DTNA: variants seen among roughly 807,000 people sequenced by gnomAD.
The protein encoded by DTNA is dystrobrevin alpha, also known as dystrophin-related protein 3.
A neutral mutation model predicts 100.7 loss-of-function variants in DTNA; 43 were observed. The ratio of observed to expected loss-of-function variants is 0.43; its 90% CI spans 0.33 to 0.55. The LOEUF (loss-of-function observed/expected upper bound fraction) is 0.55, where lower values mean the gene tolerates loss of function less well. DTNA is among the 20% of genes least tolerant of loss of function. The probability of loss-of-function intolerance (pLI) is 0.04; values close to 1 mark genes in which losing one functional copy is unlikely to be tolerated. For synonymous variants in DTNA, 349 were observed against 347.9 expected (o/e 1.00, Z -0.04); for missense variants, 798 against 953.9 (o/e 0.84, Z 2.15).
In DTNA at chr18:34,876,796, TA is replaced by T. The variant is rs1013496896; in HGVS notation, c.1904-918del. 2.0e-4 allele frequency among the ~76,000 whole-genome samples: 31 copies of T among 152,306 alleles called. 1 individual carries two copies. The highest frequency in any genetic ancestry group is 1.7e-3 in the Admixed American group (26 of 15,306). On this transcript the variant is annotated intron_variant, in intron 18 of 22. Coordinates refer to ENST00000444659, the MANE Select transcript of DTNA (RefSeq NM_001386795.1). ...GCACTGAATATAACTCAAGAGTTTT[TA>T]AAAATGTAATTCACAAAATAACTTT...
At chr18:34,731,250 C>T (rs1052278607) in intron 1 of DTNA, among the ~76,000 whole-genome samples, 31 of 152,144 alleles carry the variant, frequency 2.0e-4, no homozygotes, top group Non-Finnish European at 3.8e-4. Flanking sequence ...GAGGCCGAGG[C>T]GGGTGGATCA....
intron 1 of DTNA, among the ~76,000 whole-genome samples, chr18:34,589,425 A>G (rs9304136): frequency 0.1 from 15,625 of 151,960 alleles, 1,167 homozygotes; most frequent in African/African-American, 0.21. Flanking sequence ...TGGCTAACAT[A>G]ATAAAACCCC....
At chr18:34,791,589 C>T (rs928429662) in intron 3 of DTNA, among the ~76,000 whole-genome samples, 4 of 152,126 alleles carry the variant, frequency 2.6e-5, no homozygotes, top group Non-Finnish European at 5.9e-5. Flanking sequence ...GGATAAATAA[C>T]ACCAAGAAAT....
chr18:34,865,821 G>A (rs1441255434), intron 17 of DTNA, among the ~76,000 whole-genome samples: 5 of 152,216 alleles, frequency 3.3e-5, no homozygotes, highest in Admixed American at 3.3e-4. Flanking sequence ...CACCAGCCAT[G>A]TTGGTATCAA....
intron 11 of DTNA, among the ~76,000 whole-genome samples, chr18:34,835,447 T>C (rs1041255437): frequency 1.3e-5 from 2 of 151,892 alleles, no homozygotes; most frequent in Non-Finnish European, 2.9e-5. Context: ...TGTATATATA[T>C]AGAATATGTC....
At chr18:34,572,712 G>C (rs1198000185) in intron 1 of DTNA, among the ~76,000 whole-genome samples, 1 of 152,014 alleles carries the variant, frequency 6.6e-6, no homozygotes, top group African/African-American at 2.4e-5. Flanking sequence ...TCTACTATTA[G>C]GTGCCTAGGA....
intron 14 of DTNA, 71 bp downstream of exon 14, chr18:34,848,454 T>C: frequency 6.8e-7 from 1 of 1,468,162 alleles, no homozygotes; most frequent in Non-Finnish European, 9.5e-7. Flanking sequence ...TCATGTTTAT[T>C]GTTATTATAG....
At chr18:34,732,849 T>C (rs550070970) in intron 1 of DTNA, among the ~76,000 whole-genome samples, 1 of 152,332 alleles carries the variant, frequency 6.6e-6, no homozygotes, top group South Asian at 2.1e-4. Flanking sequence ...GTTGGGGTTC[T>C]GACAGCTGCT....
chr18:34,710,671 T>G (rs1427150025), intron 1 of DTNA, among the ~76,000 whole-genome samples: 2 of 141,760 alleles, frequency 1.4e-5, no homozygotes, highest in Non-Finnish European at 3.0e-5. Context: ...TGTGTGTGTG[T>G]GGGAGTGTGT....
At chr18:34,607,656 C>G (rs181690543) in intron 1 of DTNA, among the ~76,000 whole-genome samples, 1 of 152,300 alleles carries the variant, frequency 6.6e-6, no homozygotes, top group East Asian at 1.9e-4. Flanking sequence ...GTTACTGTTA[C>G]CAGCACTTAT....
chr18:34,697,080 G>A (rs1332584232), intron 1 of DTNA, among the ~76,000 whole-genome samples: 1 of 152,162 alleles, frequency 6.6e-6, no homozygotes, highest in African/African-American at 2.4e-5. Flanking sequence ...CTAGCCCAAC[G>A]TATCAATAGT....
In DTNA at chr18:34,688,326, A is replaced by G. The variant is rs538308176; in HGVS notation, c.-1-67650A>G. 4.6e-5 allele frequency among the ~76,000 whole-genome samples: 7 copies of G among 152,240 alleles called. No homozygotes were observed. In the East Asian group the frequency reaches 1.4e-3, roughly 29 times the overall value. Reference sequence around the variant, plus strand: ...AGTGCTTCCTTCAGGAGCTCTTGTAAGGCAGGCCTGATGGTGACAAAATCC... The same window carrying G: ...AGTGCTTCCTTCAGGAGCTCTTGTAGGGCAGGCCTGATGGTGACAAAATCC... On this transcript the variant is annotated intron_variant, in intron 1 of 19. Coordinates refer to the DTNA transcript ENST00000283365.
At chr18:34,771,956 T>C (rs2093795983) in intron 3 of DTNA, among the ~76,000 whole-genome samples, 2 of 48,092 alleles carry the variant, frequency 4.2e-5, no homozygotes, top group Admixed American at 5.9e-4. Context: ...TGTCAGCAGA[T>C]CTTTTTTTTT....
chr18:34,874,495 C>T (rs1021892625), intron 17 of DTNA, among the ~76,000 whole-genome samples: 2 of 152,158 alleles, frequency 1.3e-5, no homozygotes, highest in African/African-American at 4.8e-5. Context: ...AAGATAAGTT[C>T]CTTCAGTTGT....
At chr18:34,709,586 C>T (rs559055459), upstream of DTNA, 1 of 152,296 alleles carries the variant, frequency 6.6e-6, no homozygotes, top group African/African-American at 2.4e-5. Context: ...GAGTTTGTAT[C>T]GTTTCAAATC....
rs556295196 is a variant in DTNA at position 34,875,988 on chromosome 18, T to A, written c.1903+590T>A. On this transcript the variant is annotated intron_variant, in intron 18 of 22. Transcript: ENST00000444659. ...AACTTTATTAATTTAGAAATATTTT[T>A]AACACTTTTTAAAACCTCTTCTTAC... 2.3e-4 allele frequency among the ~76,000 whole-genome samples: 35 copies of A among 152,340 alleles called. No individual in the cohort carries two copies. In the South Asian group the frequency reaches 6.4e-3, roughly 28 times the overall value.
chr18:34,739,148 C>T (rs17556941), intron 1 of DTNA, among the ~76,000 whole-genome samples: 7,769 of 152,188 alleles, frequency 0.051, 312 homozygotes, highest in Non-Finnish European at 0.08. Flanking sequence ...TAAAATATGC[C>T]TGGCTGATTC....
chr18:34,790,357 G>A (rs1013524040), intron 3 of DTNA, among the ~76,000 whole-genome samples: 6 of 117,048 alleles, frequency 5.1e-5, no homozygotes, highest in East Asian at 3.9e-4. Flanking sequence ...TATAAAACCC[G>A]GAGACAGGGT....
At chr18:34,659,352 TG>T (rs1389473128) in intron 1 of DTNA, among the ~76,000 whole-genome samples, 1 of 152,224 alleles carries the variant, frequency 6.6e-6, no homozygotes, top group African/African-American at 2.4e-5. Context: ...ATTCCTTTTT[TG>T]TACTGTATGC....
Sources: allele counts gnomAD v4.1 joint callset (sites outside exome capture counted in the v4.1 genomes callset), GRCh38; gene constraint gnomAD v4.1.1; transcripts MANE v1.5; gene names NCBI Gene and HGNC (gene_info 2026-07-23, HGNC 2026-07-21).